Variants in LRRC20 observed in about 807,000 individuals in gnomAD.
LRRC20 encodes the protein leucine-rich repeat-containing protein 20.
LRRC20 carries 11 observed loss-of-function variants against 14.4 expected under a neutral mutation model. The observed-to-expected ratio is 0.77, with a 90% CI of 0.48 to 1.27. The LOEUF is 1.27. Ranked by LOEUF, LRRC20 falls within the 50% of genes most tolerant of loss-of-function variation. The pLI, the probability that LRRC20 is intolerant of heterozygous loss-of-function variation, is 0.00. For synonymous variants in LRRC20, 121 were observed against 107.3 expected, an observed-to-expected ratio of 1.13 and a Z score of -0.79; for missense variants, 219 against 251.2, an observed-to-expected ratio of 0.87 and a Z score of 0.87.
At chr10:70,354,797 T>C (rs10823524) in intron 2 of LRRC20, among the ~76,000 whole-genome samples, 86,159 of 151,976 alleles carry the variant, frequency 0.57, 25,144 homozygotes, top group Admixed American at 0.63. Context: ...GTCTCTTCAC[T>C]CTCTTCTCTC....
intron 3 of LRRC20, among the ~76,000 whole-genome samples, chr10:70,329,894 T>C (rs1352204141): frequency 2.6e-5 from 4 of 152,186 alleles, no homozygotes; most frequent in African/African-American, 4.8e-5. Context: ...ATTACACTGA[T>C]TGATTTCTAA....
intron 2 of LRRC20, among the ~76,000 whole-genome samples, chr10:70,371,469 G>A (rs549291897): frequency 7.9e-5 from 12 of 152,106 alleles, no homozygotes; most frequent in South Asian, 4.1e-4. Context: ...TCTGTGTCAC[G>A]ATTATTCTTT....
chr10:70,307,670 C>T (rs962194882), intron 4 of LRRC20, among the ~76,000 whole-genome samples: 4 of 152,224 alleles, frequency 2.6e-5, no homozygotes, highest in Admixed American at 1.3e-4. Flanking sequence ...CCAGATCCTT[C>T]GCTTCACATG....
chr10:70,308,356 A>C (rs1327506421), intron 4 of LRRC20, among the ~76,000 whole-genome samples: 2 of 151,780 alleles, frequency 1.3e-5, no homozygotes, highest in African/African-American at 4.8e-5. Flanking sequence ...ACCGAGACGG[A>C]GAAGACTCTT....
intron 4 of LRRC20, among the ~76,000 whole-genome samples, chr10:70,318,702 C>T (rs1298312081): frequency 4.0e-5 from 6 of 150,892 alleles, no homozygotes; most frequent in Non-Finnish European, 8.8e-5. Context: ...TGCAGTGAGC[C>T]AAGATCATGC....
chr10:70,337,918 A>G (rs984165765), intron 3 of LRRC20, among the ~76,000 whole-genome samples: 2 of 152,094 alleles, frequency 1.3e-5, no homozygotes, highest in Admixed American at 6.5e-5. Context: ...CTCTTACCCA[A>G]AGGGCCTGAC....
chr10:70,347,694 CTATAATCCCAGCTACTTG>C (rs1342219689), intron 2 of LRRC20, among the ~76,000 whole-genome samples: 1 of 151,868 alleles, frequency 6.6e-6, no homozygotes, highest in Non-Finnish European at 1.5e-5. Context: ...GTGGCGCGTC[CTATAATCCCAGCTACTTG>C]GGGGGCTGAG....
chr10:70,316,087 T>C (rs1841841365), intron 4 of LRRC20, among the ~76,000 whole-genome samples: 1 of 152,122 alleles, frequency 6.6e-6, no homozygotes, highest in Non-Finnish European at 1.5e-5. Flanking sequence ...TGGCAGTAAA[T>C]GGAGCCTGGA....
intron 2 of LRRC20, among the ~76,000 whole-genome samples, chr10:70,354,213 G>A (rs1370304925): frequency 6.6e-6 from 1 of 152,090 alleles, no homozygotes; most frequent in East Asian, 1.9e-4. Context: ...CTGGGGCTTG[G>A]GAATGGAAGG....
chr10:70,320,433 TC>T (rs1393122194), intron 4 of LRRC20, among the ~76,000 whole-genome samples: 2 of 152,216 alleles, frequency 1.3e-5, no homozygotes, highest in Non-Finnish European at 2.9e-5. Flanking sequence ...TCTGACATTT[TC>T]TATTTTACTG....
At chr10:70,339,860 C>T (rs1454504801) in intron 3 of LRRC20, among the ~76,000 whole-genome samples, 1 of 152,100 alleles carries the variant, frequency 6.6e-6, no homozygotes, top group African/African-American at 2.4e-5. Context: ...GTGGCTCATA[C>T]CTGTAATCCC....
In LRRC20 at chr10:70,300,392, T is replaced by A. The variant is rs1251257042; in HGVS notation, c.*962A>T. On this transcript the variant is annotated 3_prime_UTR_variant, in exon 5 of 5. Coordinates refer to ENST00000446961, the MANE Select transcript of LRRC20 (RefSeq NM_001278212.2). Reference sequence around the variant, plus strand: ...GGTTGAGGGCCTCAGAAGAACCAGGTCATCAGGGCTTTGGGCGTTGGCCTG... The same window carrying A: ...GGTTGAGGGCCTCAGAAGAACCAGGACATCAGGGCTTTGGGCGTTGGCCTG... 1 of 985,330 alleles carries A rather than the reference T, an allele frequency of 1.0e-6. No individual in the cohort carries two copies. Among genetic ancestry groups the A allele is most frequent in the Non-Finnish European group, 1.2e-6 (1 of 829,968 alleles). 61.0% of individuals were successfully genotyped at this position (985,330 alleles called of 1,614,324 possible).
chr10:70,356,006 G>C (rs1216786208), intron 2 of LRRC20, among the ~76,000 whole-genome samples: 2 of 152,208 alleles, frequency 1.3e-5, no homozygotes, highest in Non-Finnish European at 2.9e-5. Flanking sequence ...AGAGAAGAAA[G>C]CTGAGCATGA....
At chr10:70,365,053 C>CTT (rs10581759) in intron 2 of LRRC20, among the ~76,000 whole-genome samples, 16 of 71,422 alleles carry the variant, frequency 2.2e-4, no homozygotes, top group African/African-American at 7.9e-4. Context: ...TGAGATTCAA[C>CTT]TTTTTTTTTT....
chr10:70,312,795 C>T (rs1281735324), intron 4 of LRRC20, among the ~76,000 whole-genome samples: 2 of 152,146 alleles, frequency 1.3e-5, no homozygotes, highest in East Asian at 1.9e-4. Flanking sequence ...GTGGGACCAT[C>T]GGTGCTCTCC....
intron 3 of LRRC20, among the ~76,000 whole-genome samples, chr10:70,325,469 G>C (rs1589066998): frequency 6.6e-6 from 1 of 152,164 alleles, no homozygotes; most frequent in Non-Finnish European, 1.5e-5. Flanking sequence ...TCTCAGGGTG[G>C]AGCACGCAGG....
intron 2 of LRRC20, among the ~76,000 whole-genome samples, chr10:70,360,615 GT>G (rs968017062): frequency 2.0e-5 from 3 of 151,978 alleles, no homozygotes; most frequent in Non-Finnish European, 4.4e-5. Flanking sequence ...TTTTCTTTTA[GT>G]TTTTTTGTAG....
chr10:70,311,838 C>A (rs1472504309), intron 4 of LRRC20, among the ~76,000 whole-genome samples: 2 of 152,206 alleles, frequency 1.3e-5, no homozygotes, highest in African/African-American at 4.8e-5. Context: ...TGGACTCCCA[C>A]CTATGTCTGT....
chr10:70,349,874 G>A (rs1436198514), intron 2 of LRRC20, among the ~76,000 whole-genome samples: 1 of 152,142 alleles, frequency 6.6e-6, no homozygotes, highest in African/African-American at 2.4e-5. Context: ...TTGCATCCTG[G>A]GGAATCCCTC....
Sources: allele counts gnomAD v4.1 joint callset (sites outside exome capture counted in the v4.1 genomes callset), GRCh38; gene constraint gnomAD v4.1.1; transcripts MANE v1.5; gene names NCBI Gene and HGNC (gene_info 2026-07-23, HGNC 2026-07-21).